Variants in FGF13 observed in about 807,000 individuals in gnomAD.
FGF13 encodes the protein fibroblast growth factor 13, also known as fibroblast growth factor homologous factor 2.
A neutral mutation model predicts 19.5 loss-of-function variants in FGF13; 2 were observed. That is an observed-to-expected ratio of 0.10 (90% CI 0.04 to 0.32). FGF13 has a LOEUF of 0.32. Ranked by LOEUF, FGF13 falls within the 10% of genes least tolerant of loss-of-function variation. The probability of loss-of-function intolerance (pLI) is 1.00; values close to 1 mark genes in which losing one functional copy is unlikely to be tolerated. For missense variants in FGF13, 113 were observed against 192.7 expected (o/e 0.59, Z 2.45); for synonymous variants, 72 against 76.9 (o/e 0.94, Z 0.33).
At chrX:139,004,375 C>G (rs973320878) in intron 1 of FGF13, among the ~76,000 whole-genome samples, 12 of 112,723 alleles carry the variant, frequency 1.1e-4, no homozygotes, top group African/African-American at 3.5e-4. Context: ...CGGCAAGCGC[C>G]GCACGCAGCC....
At chrX:138,716,869 C>T (rs1043573269) in intron 1 of FGF13, among the ~76,000 whole-genome samples, 9 of 112,028 alleles carry the variant, frequency 8.0e-5, no homozygotes, top group Non-Finnish European at 1.7e-4. Context: ...CTTAGGCTTG[C>T]ATCACACTAG....
chrX:138,884,890 T>TC (rs1305809439), intron 1 of FGF13, among the ~76,000 whole-genome samples: 1 of 111,664 alleles, frequency 9.0e-6, no homozygotes, highest in African/African-American at 3.3e-5. Flanking sequence ...GTTAAAATGC[T>TC]CCCCTTTACT....
At chrX:139,177,885 C>T (rs12854823) in intron 1 of FGF13, among the ~76,000 whole-genome samples, 21,535 of 111,639 alleles carry the variant, frequency 0.19, 1,652 homozygotes, top group African/African-American at 0.26. Flanking sequence ...TCCTGGTCTG[C>T]GGGTTGCAAA....
intron 1 of FGF13, among the ~76,000 whole-genome samples, chrX:138,919,107 A>G (rs936471638): frequency 3.6e-5 from 4 of 112,157 alleles, no homozygotes; most frequent in African/African-American, 1.3e-4. Context: ...CATAAAGGAA[A>G]TGACTGATAA....
chrX:138,684,842 ACTT>A (rs1253039923), intron 3 of FGF13, among the ~76,000 whole-genome samples: 1 of 111,644 alleles, frequency 9.0e-6, no homozygotes, highest in East Asian at 2.8e-4. Context: ...ATGCAATCCA[ACTT>A]CTTCTACTCA....
intron 1 of FGF13, among the ~76,000 whole-genome samples, chrX:139,058,327 A>G (rs894748943): frequency 4.5e-5 from 5 of 111,768 alleles, no homozygotes; most frequent in African/African-American, 1.6e-4. Context: ...ATAAAAGACA[A>G]TGTTCCTATA....
At chrX:138,720,652 G>A (rs1034154451) in intron 1 of FGF13, among the ~76,000 whole-genome samples, 2 of 111,449 alleles carry the variant, frequency 1.8e-5, no homozygotes, top group South Asian at 3.8e-4. Context: ...AGCTAACTCC[G>A]TGGGCAGGAG....
At chrX:138,861,642 A>T (rs2091288597) in intron 2 of FGF13, among the ~76,000 whole-genome samples, 1 of 112,271 alleles carries the variant, frequency 8.9e-6, no homozygotes, top group African/African-American at 3.2e-5. Context: ...TAAAAGTCAC[A>T]TAGTAAGTTA....
At chrX:138,850,283 T>C (rs2091213373) in intron 3 of FGF13, among the ~76,000 whole-genome samples, 1 of 111,728 alleles carries the variant, frequency 9.0e-6, no homozygotes, top group Admixed American at 9.5e-5. Flanking sequence ...GATTAGACTG[T>C]AAGTTTTCCA....
intron 1 of FGF13, among the ~76,000 whole-genome samples, chrX:139,184,637 C>T (rs1351957391): frequency 9.0e-6 from 1 of 111,344 alleles, no homozygotes; most frequent in East Asian, 2.8e-4. Flanking sequence ...CCTACACACA[C>T]ACACATACAC....
chrX:138,631,077 G>GA lies in FGF13; in HGVS notation c.*1772dup, dbSNP rs1406010779. The GA allele has an allele frequency of 2.7e-5, 3 of 109,762 alleles. No individual in the cohort carries two copies. The highest frequency in any genetic ancestry group is 9.7e-5 in the Admixed American group (1 of 10,320). 9.0% of individuals were successfully genotyped at this position (109,762 alleles called of 1,213,427 possible). On this transcript the variant is annotated 3_prime_UTR_variant, in exon 5 of 5. Transcript: ENST00000315930. ...GCTTCTGTACCACTGTAAAGCCCCC[G>GA]AAAAAATGTAAGTTGAACTACTGTA...
chrX:139,203,876 G>C (rs1386492940), upstream of FGF13, among the ~76,000 whole-genome samples: 1 of 111,825 alleles, frequency 8.9e-6, no homozygotes, highest in Non-Finnish European at 1.9e-5. Flanking sequence ...AGGAGGGAAA[G>C]TGGTGCAAAC....
intron 1 of FGF13, among the ~76,000 whole-genome samples, chrX:139,049,070 A>G (rs185366714): frequency 1.3e-4 from 15 of 111,277 alleles, no homozygotes; most frequent in African/African-American, 4.9e-4. Flanking sequence ...CGTGTTTAAG[A>G]GTTGGCATTA....
intron 1 of FGF13, among the ~76,000 whole-genome samples, chrX:139,151,543 C>T (rs2083934459): frequency 8.9e-6 from 1 of 111,878 alleles, no homozygotes; most frequent in Non-Finnish European, 1.9e-5. Context: ...CCATATCAAG[C>T]AGTAGTTAAA....
chrX:138,960,459 T>G (rs1332158238), intron 1 of FGF13, among the ~76,000 whole-genome samples: 2 of 111,808 alleles, frequency 1.8e-5, no homozygotes, highest in Non-Finnish European at 3.8e-5. Context: ...TAACATTTTT[T>G]CCTTCATTTC....
At chrX:138,769,361 G>A (rs938781425) in intron 3 of FGF13, among the ~76,000 whole-genome samples, 3 of 111,786 alleles carry the variant, frequency 2.7e-5, no homozygotes, top group African/African-American at 9.8e-5. Context: ...CAAGTTACCA[G>A]CTGTGTAACT....
chrX:139,032,593 C>A (rs2092231666), intron 1 of FGF13, among the ~76,000 whole-genome samples: 1 of 110,510 alleles, frequency 9.0e-6, no homozygotes, highest in African/African-American at 3.3e-5. Flanking sequence ...GAGAAAAAAC[C>A]CCAGAGACAT....
chrX:139,032,012 G>A (rs2124394805), intron 1 of FGF13, among the ~76,000 whole-genome samples: 1 of 111,047 alleles, frequency 9.0e-6, no homozygotes, highest in African/African-American at 3.3e-5. Flanking sequence ...GCAAACCTAG[G>A]CCGTGATCTT....
chrX:138,651,404 T>C (rs1455369253), intron 3 of FGF13, among the ~76,000 whole-genome samples: 1 of 112,295 alleles, frequency 8.9e-6, no homozygotes, highest in Admixed American at 9.5e-5. Flanking sequence ...ATTTGTTTTC[T>C]TAGCAATATT....
Sources: gnomAD v4.1 joint callset for allele counts (sites outside exome capture counted in the v4.1 genomes callset) on GRCh38, gnomAD v4.1.1 for gene constraint, MANE v1.5 for transcripts, NCBI Gene and HGNC (gene_info 2026-07-23, HGNC 2026-07-21) for gene names.